The following MAGI2 variants were observed in gnomAD, a reference collection of about 807,000 sequenced individuals.
MAGI2 encodes membrane-associated guanylate kinase, WW and PDZ domain-containing protein 2.
A neutral mutation model predicts 133.3 loss-of-function variants in MAGI2; 35 were observed. That is an observed-to-expected ratio of 0.26 (90% CI 0.20 to 0.35). The LOEUF is 0.35. Ranked by LOEUF, MAGI2 falls within the 10% of genes least tolerant of loss-of-function variation. The pLI, the probability that MAGI2 is intolerant of heterozygous loss-of-function variation, is 1.00. For missense variants in MAGI2, 1,636 were observed against 1,863.4 expected, an observed-to-expected ratio of 0.88 and a Z score of 2.25; for synonymous variants, 729 against 710.6, an observed-to-expected ratio of 1.03 and a Z score of -0.41.
intron 20 of MAGI2, among the ~76,000 whole-genome samples, chr7:78,098,391 G>A (rs543231509): frequency 1.3e-5 from 2 of 152,204 alleles, no homozygotes; most frequent in East Asian, 3.9e-4. Flanking sequence ...TCAACATTAC[G>A]TTGTTGCAAT....
At chr7:79,382,174 T>G (rs894392148) in intron 1 of MAGI2, among the ~76,000 whole-genome samples, 3 of 151,728 alleles carry the variant, frequency 2.0e-5, no homozygotes, top group Admixed American at 1.3e-4. Flanking sequence ...GTTATTTATC[T>G]AGACAGGGAT....
At position 78,019,375 on chromosome 7, in the gene MAGI2, C is replaced by A. The variant is rs757415874; in HGVS notation, c.4308G>T (p.Val1436=). Reference sequence around the variant, plus strand: ...CGCTGGGCAGCTTGTCAGAACCCGGCACCTTCCAGGGCCCCGGCGCGACGG... The same window carrying A: ...CGCTGGGCAGCTTGTCAGAACCCGGAACCTTCCAGGGCCCCGGCGCGACGG... ...KAAVAPGPWK[V]PGSDKLPSVL... Residue 1436 remains valine, a synonymous_variant, in exon 22 of 22, where the codon GTG becomes GTT. Coordinates refer to ENST00000354212, the MANE Select transcript of MAGI2 (RefSeq NM_012301.4). 158 of 1,440,872 alleles carry A rather than the reference C, an allele frequency of 1.1e-4. No individual in the cohort carries two copies. The highest frequency in any genetic ancestry group is 3.9e-4 in the Admixed American group (14 of 36,352). 89.3% of individuals were successfully genotyped at this position (1,440,872 alleles called of 1,614,324 possible).
At chr7:79,289,564 A>T (rs1836296793) in intron 1 of MAGI2, among the ~76,000 whole-genome samples, 1 of 152,170 alleles carries the variant, frequency 6.6e-6, no homozygotes, top group African/African-American at 2.4e-5. Context: ...AATAACAGTC[A>T]TCCCTGAATA....
At chr7:78,087,181 C>T (rs566100732) in intron 20 of MAGI2, among the ~76,000 whole-genome samples, 1 of 152,312 alleles carries the variant, frequency 6.6e-6, no homozygotes, top group East Asian at 1.9e-4. Flanking sequence ...ATATTGTAAG[C>T]TCTCCAAGGA....
intron 13 of MAGI2, among the ~76,000 whole-genome samples, chr7:78,179,292 T>C (rs1826959777): frequency 6.6e-6 from 1 of 152,240 alleles, no homozygotes; most frequent in Non-Finnish European, 1.5e-5. Flanking sequence ...AGAATTCTCA[T>C]GGGACAAAAA....
chr7:78,226,943 T>G (rs958953775), intron 10 of MAGI2, among the ~76,000 whole-genome samples: 2 of 152,208 alleles, frequency 1.3e-5, no homozygotes, highest in Non-Finnish European at 2.9e-5. Flanking sequence ...GGTTGGGACA[T>G]GCATGATTAA....
chr7:78,475,913 T>C (rs12705480), intron 6 of MAGI2, among the ~76,000 whole-genome samples: 43,860 of 151,502 alleles, frequency 0.29, 7,293 homozygotes, highest in African/African-American at 0.46. Context: ...TCTCGGAACA[T>C]GCCTGGGTTC....
chr7:78,580,123 T>A (rs148442749), intron 3 of MAGI2, among the ~76,000 whole-genome samples: 22 of 152,346 alleles, frequency 1.4e-4, no homozygotes, highest in Non-Finnish European at 2.6e-4. Flanking sequence ...TATGTGAATA[T>A]GTATGTGTGA....
chr7:79,264,293 G>A (rs1172238639), intron 1 of MAGI2, among the ~76,000 whole-genome samples: 1 of 152,010 alleles, frequency 6.6e-6, no homozygotes, highest in Non-Finnish European at 1.5e-5. Context: ...GGTTATAGAC[G>A]AACTATTATA....
intron 21 of MAGI2, among the ~76,000 whole-genome samples, chr7:78,070,172 CACATAT>C (rs1484682298): frequency 3.5e-4 from 10 of 28,890 alleles, no homozygotes; most frequent in African/African-American, 6.7e-4. Flanking sequence ...TACACACACA[CACATAT>C]ATATATATAT....
intron 21 of MAGI2, among the ~76,000 whole-genome samples, chr7:78,052,895 T>C (rs1250737789): frequency 2.6e-5 from 4 of 151,760 alleles, no homozygotes; most frequent in Non-Finnish European, 5.9e-5. Flanking sequence ...AATTAGAAAA[T>C]TAAAATTAAA....
At chr7:78,374,635 T>C (rs1354489790) in intron 6 of MAGI2, among the ~76,000 whole-genome samples, 1 of 152,052 alleles carries the variant, frequency 6.6e-6, no homozygotes, top group Non-Finnish European at 1.5e-5. Context: ...TAGTATTTTG[T>C]TGAGGATTTT....
chr7:78,882,116 AAAAC>A (rs1563619132), intron 2 of MAGI2, among the ~76,000 whole-genome samples: 1 of 91,522 alleles, frequency 1.1e-5, no homozygotes, highest in African/African-American at 3.2e-5. Context: ...AAAGAAAAGA[AAAAC>A]AAAAAAAAAA....
rs78489679 is a variant in MAGI2, at chr7:78,360,101, C to T, written c.1103+9055G>A. ...TTACCCAGTTAGGGTAAAACATCTT[C>T]TGTTTCATTATTCAATTATAGGATG... On this transcript the variant is annotated intron_variant, in intron 7 of 21. Coordinates refer to ENST00000354212, the MANE Select transcript of MAGI2 (RefSeq NM_012301.4). Among the ~76,000 whole-genome samples, 97 of 152,276 alleles carry T rather than the reference C, an allele frequency of 6.4e-4. 2 individuals carry two copies. In the East Asian group the frequency reaches 0.018, roughly 29 times the overall value.
At chr7:79,361,007 G>C (rs947345561) in intron 1 of MAGI2, among the ~76,000 whole-genome samples, 1 of 151,980 alleles carries the variant, frequency 6.6e-6, no homozygotes, top group African/African-American at 2.4e-5. Flanking sequence ...ATAGATGAAA[G>C]TAAAAAGATG....
In MAGI2 at chr7:78,969,094, C is replaced by T. The variant is rs1472849339; in HGVS notation, c.418+37996G>A. Among the ~76,000 whole-genome samples, 7 of 152,192 alleles carry T rather than the reference C, an allele frequency of 4.6e-5. No homozygotes were observed. In the East Asian group the frequency reaches 1.2e-3, roughly 25 times the overall value. On this transcript the variant is annotated intron_variant, in intron 2 of 21. Coordinates refer to ENST00000354212, the MANE Select transcript of MAGI2 (RefSeq NM_012301.4). ...GGTACATTCAATATGGCGATTCCTG[C>T]TCCCTTTTCCTTGTTGCCACGTGTG...
intron 1 of MAGI2, among the ~76,000 whole-genome samples, chr7:79,129,923 A>C (rs1820762709): frequency 6.6e-6 from 1 of 152,152 alleles, no homozygotes; most frequent in Admixed American, 6.5e-5. Flanking sequence ...TAGCTGACAA[A>C]TGTCTGCCAT....
At chr7:78,185,384 C>T (rs964468911) in intron 13 of MAGI2, 2 of 344,874 alleles carry the variant, frequency 5.8e-6, no homozygotes, top group Non-Finnish European at 1.1e-5. Context: ...TTTAATCCAG[C>T]CTTTTACTAG....
At chr7:78,246,769 T>C (rs980233857) in intron 10 of MAGI2, among the ~76,000 whole-genome samples, 2 of 152,218 alleles carry the variant, frequency 1.3e-5, no homozygotes, top group African/African-American at 4.8e-5. Flanking sequence ...GTATTGGCTC[T>C]GGTTCACAAA....
Sources: gnomAD v4.1 joint callset for allele counts (sites outside exome capture counted in the v4.1 genomes callset) on GRCh38, gnomAD v4.1.1 for gene constraint, MANE v1.5 for transcripts, NCBI Gene and HGNC (gene_info 2026-07-23, HGNC 2026-07-21) for gene names.